The following CTNNA3 variants were observed in gnomAD, a reference collection of about 807,000 sequenced individuals.
CTNNA3 encodes catenin alpha-3.
Under a neutral mutation model 95.7 loss-of-function variants are expected in CTNNA3, and 76 were observed. The observed-to-expected ratio is 0.79, with a 90% CI of 0.66 to 0.96. The LOEUF is 0.96. CTNNA3 is among the 40% of genes least tolerant of loss of function. CTNNA3 has a pLI of 0.00. For synonymous variants in CTNNA3, 431 were observed against 374.4 expected, an observed-to-expected ratio of 1.15 and a Z score of -1.74; for missense variants, 1,191 against 1,089.8, an observed-to-expected ratio of 1.09 and a Z score of -1.31.
At chr10:67,144,248 T>C (rs924629896) in intron 7 of CTNNA3, among the ~76,000 whole-genome samples, 9 of 152,208 alleles carry the variant, frequency 5.9e-5, no homozygotes, top group Non-Finnish European at 1.0e-4. Context: ...CTAGGCTTTG[T>C]TGTTTCATTT....
chr10:66,106,378 T>TGTGTGTGTGTG (rs57527475), intron 13 of CTNNA3, among the ~76,000 whole-genome samples: 1 of 138,002 alleles, frequency 7.2e-6, no homozygotes, highest in African/African-American at 2.7e-5. Flanking sequence ...TGTGTGTGTG[T>TGTGTGTGTGTG]TTCTAATCAA....
At chr10:66,058,542 G>A (rs2080130898) in intron 15 of CTNNA3, among the ~76,000 whole-genome samples, 1 of 152,160 alleles carries the variant, frequency 6.6e-6, no homozygotes, top group African/African-American at 2.4e-5. Flanking sequence ...CTGTTTGACA[G>A]ATTTTAAAAC....
chr10:67,605,330 G>C (rs1388181353), intron 3 of CTNNA3, among the ~76,000 whole-genome samples: 1 of 152,176 alleles, frequency 6.6e-6, no homozygotes, highest in Non-Finnish European at 1.5e-5. Context: ...AAGTCATACA[G>C]AGACAGAGAA....
intron 1 of CTNNA3, among the ~76,000 whole-genome samples, chr10:67,720,910 T>C (rs1486498628): frequency 6.6e-6 from 1 of 152,074 alleles, no homozygotes; most frequent in East Asian, 1.9e-4. Context: ...GCCGAGATCA[T>C]GCCACTGCAA....
intron 6 of CTNNA3, among the ~76,000 whole-genome samples, chr10:67,191,427 A>G (rs1021935770): frequency 6.6e-6 from 1 of 152,040 alleles, no homozygotes; most frequent in South Asian, 2.1e-4. Flanking sequence ...AAACCAAAGT[A>G]CAAAAATCAG....
chr10:66,205,396 C>T (rs1191486831), intron 13 of CTNNA3, among the ~76,000 whole-genome samples: 2 of 151,886 alleles, frequency 1.3e-5, no homozygotes, highest in African/African-American at 4.8e-5. Flanking sequence ...ACTTGCTGTA[C>T]TATATTTTGT....
chr10:67,743,503 A>C (rs1841355196), intron 1 of CTNNA3, among the ~76,000 whole-genome samples: 1 of 151,410 alleles, frequency 6.6e-6, no homozygotes, highest in African/African-American at 2.4e-5. Context: ...GACATATCTC[A>C]AAATAATAAG....
At chr10:67,170,138 G>T (rs1489306662) in intron 7 of CTNNA3, among the ~76,000 whole-genome samples, 1 of 152,192 alleles carries the variant, frequency 6.6e-6, no homozygotes, top group African/African-American at 2.4e-5. Flanking sequence ...TGGCAAGGTT[G>T]CAGAGAAAAG....
chr10:66,917,280 G>C (rs1001016), intron 7 of CTNNA3, among the ~76,000 whole-genome samples: 120,376 of 152,090 alleles, frequency 0.79, 48,817 homozygotes, highest in Non-Finnish European at 0.89. Context: ...TACAATATTG[G>C]CACATGGGGG....
intron 10 of CTNNA3, among the ~76,000 whole-genome samples, chr10:66,596,683 T>C (rs1054302283): frequency 2.0e-5 from 3 of 152,060 alleles, no homozygotes; most frequent in African/African-American, 7.2e-5. Flanking sequence ...TGGTCAAGGT[T>C]TTTCTTTCCT....
intron 7 of CTNNA3, among the ~76,000 whole-genome samples, chr10:66,797,730 C>T (rs1459970988): frequency 6.6e-6 from 1 of 151,828 alleles, no homozygotes; most frequent in Non-Finnish European, 1.5e-5. Context: ...TTGTCCTTGC[C>T]CTAGACCTCA....
rs888904779 is a variant in CTNNA3, at chr10:66,421,759, C to T, written c.1532-42407G>A. On this transcript the variant is annotated intron_variant, in intron 11 of 17. Coordinates refer to ENST00000433211, the MANE Select transcript of CTNNA3 (RefSeq NM_013266.4). ...GCTGAGGCAAAGAAATGGCTGAACC[C>T]GAGAGGGAGAGGTTGCAGTGAGCCG... is the stretch of plus-strand genomic sequence containing the variant. 4.1e-5 allele frequency among the ~76,000 whole-genome samples: 6 copies of T among 146,218 alleles called. No individual in the cohort carries two copies. In the East Asian group the frequency reaches 8.0e-4, roughly 19 times the overall value.
intron 7 of CTNNA3, chr10:66,926,261 GTT>G (rs754590989): frequency 1.7e-5 from 7 of 413,520 alleles, no homozygotes; most frequent in Non-Finnish European, 2.7e-5. Flanking sequence ...GTAGGATCCA[GTT>G]TTTTTTTTAA....
At chr10:66,880,541 C>T (rs1299530864) in intron 7 of CTNNA3, among the ~76,000 whole-genome samples, 1 of 152,064 alleles carries the variant, frequency 6.6e-6, no homozygotes, top group Non-Finnish European at 1.5e-5. Flanking sequence ...GAATTTATAG[C>T]TGTGCTCAGG....
intron 5 of CTNNA3, among the ~76,000 whole-genome samples, chr10:67,423,626 T>C (rs558635116): frequency 1.6e-4 from 24 of 152,162 alleles, no homozygotes; most frequent in Non-Finnish European, 2.2e-4. Context: ...TTTATTTTCT[T>C]ATTGCAACCT....
intron 12 of CTNNA3, among the ~76,000 whole-genome samples, chr10:66,344,729 T>C (rs960837568): frequency 6.6e-6 from 1 of 152,240 alleles, no homozygotes; most frequent in South Asian, 2.1e-4. Context: ...ATGATTTCTA[T>C]AGAAGGAAAC....
intron 13 of CTNNA3, among the ~76,000 whole-genome samples, chr10:66,154,741 TTTCCCTTGA>T (rs2084398612): frequency 2.1e-5 from 3 of 142,732 alleles, no homozygotes; most frequent in Admixed American, 7.1e-5. Context: ...TATATATATA[TTTCCCTTGA>T]ACAATTTATA....
At chr10:67,055,017 G>A (rs1040519424) in intron 7 of CTNNA3, 6 of 151,712 alleles carry the variant, frequency 4.0e-5, no homozygotes, top group East Asian at 1.9e-4. Flanking sequence ...AGCTGACTTC[G>A]TTATAAAGAG....
At chr10:67,006,927 G>A (rs1852028097) in intron 7 of CTNNA3, among the ~76,000 whole-genome samples, 1 of 151,966 alleles carries the variant, frequency 6.6e-6, no homozygotes, top group Non-Finnish European at 1.5e-5. Context: ...CCAAGTAGCT[G>A]GGATTACAGT....
Sources: gnomAD v4.1 joint callset for allele counts (sites outside exome capture counted in the v4.1 genomes callset) on GRCh38, gnomAD v4.1.1 for gene constraint, MANE v1.5 for transcripts, NCBI Gene and HGNC (gene_info 2026-07-23, HGNC 2026-07-21) for gene names.